The following ARMC7 variants were observed in gnomAD, a reference collection of about 807,000 sequenced individuals.
The protein encoded by ARMC7 is armadillo repeat containing 7, also known as armadillo repeat-containing protein 7.
A neutral mutation model predicts 14.8 loss-of-function variants in ARMC7; 9 were observed. The ratio of observed to expected loss-of-function variants is 0.61; its 90% CI spans 0.37 to 1.06. The LOEUF (loss-of-function observed/expected upper bound fraction) is 1.06. Ranked by LOEUF, ARMC7 falls within the 50% of genes least tolerant of loss-of-function variation. ARMC7 has a pLI of 0.01. For synonymous variants in ARMC7, 125 were observed against 123.4 expected (o/e 1.01, Z -0.09); for missense variants, 262 against 267.1 (o/e 0.98, Z 0.13).
At chr17:75,119,465 T>TTTTTTTG in intron 2 of ARMC7, among the ~76,000 whole-genome samples, 1 of 150,842 alleles carries the variant, frequency 6.6e-6, no homozygotes. Flanking sequence ...TTTTTTTTTT[T>TTTTTTTG]TGAGACGGAG....
chr17:75,129,250 G>C lies in ARMC7; in HGVS notation c.*212G>C. On this transcript the variant is annotated 3_prime_UTR_variant, in exon 3 of 3. Coordinates refer to ENST00000245543, the MANE Select transcript of ARMC7 (RefSeq NM_024585.4). ...GAGACACGGAGAAGATCAAACTGGA[G>C]CTGCGTTCATAGGCTGGCACTCTCA... 1 of 684,304 alleles carries C rather than the reference G, an allele frequency of 1.5e-6. No individual in the cohort carries two copies. 42.4% of individuals were successfully genotyped at this position (684,304 alleles called of 1,614,324 possible). A position where few individuals can be genotyped will look rare whatever the true frequency, so the allele number is the denominator to read the frequency against.
rs771840843 is a variant in ARMC7, at chr17:75,110,362, A to G, written c.74A>G (p.Gln25Arg). The G allele has an allele frequency of 2.1e-5, 34 of 1,614,126 alleles. No individual in the cohort carries two copies. The highest frequency in any genetic ancestry group is 2.9e-5 in the Non-Finnish European group (34 of 1,180,028). ...CTGCAGGCGCTGGTCACGGAATTCC[A>G]GGAGACCCAAAGCCAAGGTGAGAGC... ...GYLQALVTEFQETQSQDAKEQ... is the reference protein window; with the variant it reads ...GYLQALVTEFRETQSQDAKEQ... Residue 25 changes from glutamine to arginine, a missense_variant, in exon 1 of 3, where the codon CAG becomes CGG. Physicochemically the swap from Gln to Arg is conservative, Grantham distance 43. Coordinates refer to ENST00000245543, the MANE Select transcript of ARMC7 (RefSeq NM_024585.4).
rs558262040 is a variant in ARMC7 at position 75,128,900 on chromosome 17, C to T, written c.459C>T (p.Ser153=). Residue 153 remains serine (S), a synonymous_variant, in exon 3 of 3, where the codon AGC becomes AGT. Coordinates refer to ENST00000245543, the MANE Select transcript of ARMC7 (RefSeq NM_024585.4). ...QCMLRFSLSA[S]ARLRNLAQIF... is the part of the protein sequence containing the mutation. The stretch of plus-strand genomic sequence containing the variant: ...TGCTTCGCTTCTCCCTCTCGGCCAG[C>T]GCCAGGCTCCGGAACCTGGCACAGA... The T allele has an allele frequency of 1.2e-5, 20 of 1,610,310 alleles. No individual in the cohort carries two copies. The highest frequency in any genetic ancestry group is 5.5e-5 in the South Asian group (5 of 91,032).
At position 75,122,912 on chromosome 17, in the gene ARMC7, A is replaced by G. The variant is rs147633646; in HGVS notation, c.236-5765A>G. On this transcript the variant is annotated intron_variant, in intron 2 of 2. Transcript: ENST00000245543. The stretch of plus-strand genomic sequence containing the variant: ...GGGGGCAGGTTAGGTGCTCACAGAA[A>G]GCTCTTAGAGGAGGTGGCGTCTTAG... Among the ~76,000 whole-genome samples, 222 of 152,108 alleles carry G rather than the reference A, an allele frequency of 1.5e-3. 4 individuals carry two copies. The East Asian group carries it at 0.038, about 26-fold the overall frequency.
chr17:75,117,748 T>C (rs1376825951), intron 2 of ARMC7, among the ~76,000 whole-genome samples: 2 of 152,188 alleles, frequency 1.3e-5, no homozygotes, highest in African/African-American at 2.4e-5. Flanking sequence ...CAGTTCCCCT[T>C]ATCTGAGGTC....
In ARMC7 at chr17:75,129,040, C is replaced by A; in HGVS notation, c.*2C>A. The A allele has an allele frequency of 6.3e-7, 1 of 1,591,518 alleles. No individual in the cohort carries two copies. The highest frequency in any genetic ancestry group is 8.5e-7 in the Non-Finnish European group (1 of 1,175,180). ...AGCGTGGCCCCACGGCAGCGCTGAT[C>A]CATGGAGACTGCGAGACCGTGGCAC... On this transcript the variant is annotated 3_prime_UTR_variant, in exon 3 of 3. Transcript: ENST00000245543.
intron 2 of ARMC7, among the ~76,000 whole-genome samples, chr17:75,123,608 C>T (rs1433835532): frequency 6.6e-6 from 1 of 152,132 alleles, no homozygotes; most frequent in Non-Finnish European, 1.5e-5. Context: ...CGCGCCCAGC[C>T]TGAAGACATT....
intron 2 of ARMC7, among the ~76,000 whole-genome samples, chr17:75,122,734 G>A (rs192210272): frequency 4.6e-5 from 7 of 152,210 alleles, no homozygotes; most frequent in Admixed American, 2.6e-4. Context: ...CTGCTAATGC[G>A]AGGCTGCTGA....
At chr17:75,128,464 T>G (rs936002338) in intron 2 of ARMC7, among the ~76,000 whole-genome samples, 3 of 152,164 alleles carry the variant, frequency 2.0e-5, no homozygotes, top group African/African-American at 7.2e-5. Flanking sequence ...AAGGGATTTG[T>G]GCCCACTTCT....
intron 2 of ARMC7, among the ~76,000 whole-genome samples, chr17:75,122,161 A>G (rs550855618): frequency 6.6e-6 from 1 of 151,810 alleles, no homozygotes; most frequent in East Asian, 2.0e-4. Flanking sequence ...GTGAAACCCC[A>G]TCTCTACTAA....
intron 2 of ARMC7, among the ~76,000 whole-genome samples, chr17:75,119,446 GTTTTTTCTT>G (rs2073996507): frequency 8.3e-6 from 1 of 120,068 alleles, no homozygotes; most frequent in Non-Finnish European, 1.6e-5. Context: ...CTGTGATACA[GTTTTTTCTT>G]TTTTTTTTTT....
intron 2 of ARMC7, among the ~76,000 whole-genome samples, chr17:75,122,623 A>G (rs1568017949): frequency 6.6e-6 from 1 of 152,076 alleles, no homozygotes; most frequent in East Asian, 1.9e-4. Flanking sequence ...TCACCACCCA[A>G]AGTGCTGGGA....
chr17:75,117,953 T>G (rs1266483861), intron 2 of ARMC7, among the ~76,000 whole-genome samples: 4 of 151,872 alleles, frequency 2.6e-5, no homozygotes, highest in Admixed American at 2.0e-4. Context: ...AAACCCCGTC[T>G]CTACTAAAAA....
intron 2 of ARMC7, among the ~76,000 whole-genome samples, chr17:75,127,747 A>G (rs1403795543): frequency 6.6e-6 from 1 of 152,172 alleles, no homozygotes; most frequent in Non-Finnish European, 1.5e-5. Context: ...GGCGTGTACC[A>G]TCATGCCTGG....
chr17:75,118,365 G>A (rs187770076), intron 2 of ARMC7, among the ~76,000 whole-genome samples: 2 of 152,112 alleles, frequency 1.3e-5, no homozygotes, highest in East Asian at 1.9e-4. Flanking sequence ...CTCCATGTCA[G>A]CCAGGGCTTC....
chr17:75,122,439 G>A (rs1043088975), intron 2 of ARMC7, among the ~76,000 whole-genome samples: 9 of 151,830 alleles, frequency 5.9e-5, no homozygotes, highest in African/African-American at 4.8e-5. Context: ...TCGGCTCACC[G>A]CAACCTCCGC....
Position 75,128,813 on chromosome 17 carries a change from C to T in ARMC7, c.372C>T (p.His124=). 6.2e-6 allele frequency: 10 copies of T among 1,613,228 alleles called. No individual in the cohort carries two copies. The highest frequency in any genetic ancestry group is 8.5e-6 in the Non-Finnish European group (10 of 1,180,026). ...TVLSAITTLM[H]LSPPGRSFLP... ...TGTCTGCCATCACCACGCTCATGCA[C>T]CTGAGCCCGCCGGGCCGCAGCTTTC... Residue 124 remains histidine (H), a synonymous_variant, in exon 3 of 3, where the codon CAC becomes CAT. Transcript: ENST00000245543.
rs1232070472 is a variant in ARMC7, at chr17:75,110,449, CT to C, written c.92-11del. The C allele has an allele frequency of 6.2e-7, 1 of 1,614,238 alleles. No homozygotes were observed. Among genetic ancestry groups the C allele is most frequent in the East Asian group, 2.2e-5 (1 of 44,876 alleles). On this transcript the variant is annotated splice_polypyrimidine_tract_variant and intron_variant, in intron 1 of 2. Transcript: ENST00000245543. ...CCGCCCGGACCTGGCTTCAGTGCCG[CT>C]TTCCCGTTGCAGACGCCAAGGAGCA...
At position 75,129,418 on chromosome 17, in the gene ARMC7, A is replaced by G. The variant is rs1297086519; in HGVS notation, c.*380A>G. 1 of 256,804 alleles carries G rather than the reference A, an allele frequency of 3.9e-6. No homozygotes were observed. The highest frequency in any genetic ancestry group is 8.7e-5 in the East Asian group (1 of 11,528). The allele number at this position is 256,804 out of a possible 1,614,324, so 15.9% of individuals were successfully genotyped here. A position where few individuals can be genotyped will look rare whatever the true frequency, so the allele number is the denominator to read the frequency against. ...AGAGCTGCCTTCGCTGCAGGAAATCAGGGATTATCCCTTAACAGAAGTGTC... is the reference window on the plus strand; with the variant it reads ...AGAGCTGCCTTCGCTGCAGGAAATCGGGGATTATCCCTTAACAGAAGTGTC... On this transcript the variant is annotated 3_prime_UTR_variant, in exon 3 of 3. Transcript: ENST00000245543.
Sources: gnomAD v4.1 joint callset for allele counts (sites outside exome capture counted in the v4.1 genomes callset) on GRCh38, gnomAD v4.1.1 for gene constraint, MANE v1.5 for transcripts, NCBI Gene and HGNC (gene_info 2026-07-23, HGNC 2026-07-21) for gene names.